CMC2: variants seen among roughly 807,000 people sequenced by gnomAD.
CMC2 encodes COX assembly mitochondrial protein 2 homolog.
A neutral mutation model predicts 7.5 loss-of-function variants in CMC2; 5 were observed. That is an observed-to-expected ratio of 0.66 (90% CI 0.35 to 1.40). CMC2 has a LOEUF of 1.40. Ranked by LOEUF, CMC2 falls within the 40% of genes most tolerant of loss-of-function variation. The pLI, the probability that CMC2 is intolerant of heterozygous loss-of-function variation, is 0.04. For synonymous variants in CMC2, 37 were observed against 31.4 expected, an observed-to-expected ratio of 1.18 and a Z score of -0.60; for missense variants, 115 against 92.3, an observed-to-expected ratio of 1.25 and a Z score of -1.01.
intron 2 of CMC2, among the ~76,000 whole-genome samples, chr16:80,988,816 T>C (rs371661756): frequency 6.3e-5 from 9 of 142,540 alleles, no homozygotes; most frequent in South Asian, 2.3e-4. Flanking sequence ...CTTTTTTTTT[T>C]CCAACTCTAA....
chr16:80,998,514 T>C (rs1968606968), intron 1 of CMC2: 1 of 152,194 alleles, frequency 6.6e-6, no homozygotes, highest in Admixed American at 6.5e-5. Context: ...GATCCAACAA[T>C]TCCACTTCCG....
In CMC2 at chr16:80,988,183, C is replaced by A. The variant is rs1016805570; in HGVS notation, c.82-6306G>T. ...TGGGTGACAGAGTGAGACATCCTCC[C>A]GATAAACTTTTAATTAACTTTTCCC... On this transcript the variant is annotated intron_variant, in intron 2 of 3. Transcript: ENST00000219400. 3.3e-5 allele frequency among the ~76,000 whole-genome samples: 5 copies of A among 152,160 alleles called. No individual in the cohort carries two copies. In the East Asian group the frequency reaches 9.6e-4, roughly 29 times the overall value.
chr16:80,978,288 G>C, intron 3 of CMC2: 3 of 1,177,264 alleles, frequency 2.5e-6, no homozygotes, highest in East Asian at 6.8e-5. Context: ...GGTTGAGAAG[G>C]GTCTTAAGGG....
chr16:80,967,829 G>A lies in CMC2; in HGVS notation c.*8264C>T, dbSNP rs1670205417. 1 of 152,158 alleles carries A rather than the reference G, an allele frequency of 6.6e-6. No individual in the cohort carries two copies. The highest frequency in any genetic ancestry group is 2.4e-5 in the African/African-American group (1 of 41,422). The allele number at this position is 152,158 out of a possible 1,614,324, so 9.4% of individuals were successfully genotyped here. A position where few individuals can be genotyped will look rare whatever the true frequency, so the allele number is the denominator to read the frequency against. ...TCTACTCGCCAGAGTTGAGGAAAAA[G>A]TAAATGCCCTGAGAATTTCGTAACA... On this transcript the variant is annotated 3_prime_UTR_variant, in exon 4 of 4. Transcript: ENST00000219400.
intron 3 of CMC2, among the ~76,000 whole-genome samples, chr16:80,978,751 T>G (rs1415741587): frequency 6.8e-6 from 1 of 147,728 alleles, no homozygotes; most frequent in African/African-American, 2.5e-5. Flanking sequence ...CACAGCGGAG[T>G]CCCAACAAGA....
At chr16:80,991,595 G>T (rs1967996918) in intron 2 of CMC2, among the ~76,000 whole-genome samples, 2 of 151,292 alleles carry the variant, frequency 1.3e-5, no homozygotes, top group South Asian at 4.2e-4. Flanking sequence ...AAGCCAAAAT[G>T]ACACTACTGC....
intron 2 of CMC2, among the ~76,000 whole-genome samples, chr16:80,985,937 A>AG (rs1967495089): frequency 6.7e-6 from 1 of 148,974 alleles, no homozygotes; most frequent in African/African-American, 2.5e-5. Flanking sequence ...ATGAAGGGGA[A>AG]GGAGCTGTGG....
chr16:80,985,531 ATT>A (rs1468553321), intron 2 of CMC2, among the ~76,000 whole-genome samples: 1 of 152,126 alleles, frequency 6.6e-6, no homozygotes, highest in African/African-American at 2.4e-5. Flanking sequence ...TTTTAAAATA[ATT>A]TTTTCTTCAT....
At chr16:80,984,548 T>TTAA (rs1967377561) in intron 2 of CMC2, among the ~76,000 whole-genome samples, 1 of 152,238 alleles carries the variant, frequency 6.6e-6, no homozygotes. Flanking sequence ...AATAAATTTT[T>TTAA]TAATTAAAAA....
chr16:80,999,096 C>G (rs2151649015), intron 1 of CMC2: 1 of 152,236 alleles, frequency 6.6e-6, no homozygotes, highest in Middle Eastern at 3.4e-3. Flanking sequence ...CTAGCCAAAG[C>G]AATCAGTCAA....
intron 2 of CMC2, among the ~76,000 whole-genome samples, chr16:80,993,329 T>G (rs891271778): frequency 2.6e-5 from 4 of 152,114 alleles, no homozygotes; most frequent in African/African-American, 7.2e-5. Flanking sequence ...TTCCAAACCA[T>G]GTAGCAGAGA....
intron 3 of CMC2, among the ~76,000 whole-genome samples, chr16:80,978,903 AG>A (rs1966881081): frequency 6.6e-6 from 1 of 152,008 alleles, no homozygotes; most frequent in Admixed American, 6.5e-5. Flanking sequence ...AACACGGTGA[AG>A]CCCCGTCTCT....
chr16:80,997,676 G>C (rs1432172334), intron 1 of CMC2: 1 of 256,876 alleles, frequency 3.9e-6, no homozygotes. Flanking sequence ...AGCCTCAAGA[G>C]ACCCAATCCC....
At position 80,974,022 on chromosome 16, in the gene CMC2, G is replaced by A. The variant is rs111261126; in HGVS notation, c.*2071C>T. ...CATCTCCCAATTTTGTTCTAATCCA[G>A]GTGACTCTAACAAGCTGCAGACCTA... On this transcript the variant is annotated 3_prime_UTR_variant, in exon 4 of 4. Transcript: ENST00000219400. The A allele has an allele frequency of 6.6e-6, 1 of 152,140 alleles. No homozygotes were observed. Among genetic ancestry groups the A allele is most frequent in the African/African-American group, 2.4e-5 (1 of 41,376 alleles). 9.4% of individuals were successfully genotyped at this position (152,140 alleles called of 1,614,324 possible). A position where few individuals can be genotyped will look rare whatever the true frequency, so the allele number is the denominator to read the frequency against.
chr16:80,996,953 G>A (rs954832984), intron 2 of CMC2: 8 of 436,308 alleles, frequency 1.8e-5, no homozygotes, highest in Non-Finnish European at 3.6e-5. Flanking sequence ...CCATCAAAGA[G>A]CAGATACTTT....
chr16:81,002,557 C>T lies in CMC2; in HGVS notation c.-36+4177G>A, dbSNP rs116162741. Among the ~76,000 whole-genome samples, 199 of 152,280 alleles carry T rather than the reference C, an allele frequency of 1.3e-3. 1 individual carries two copies. The highest frequency in any genetic ancestry group is 4.4e-3 in the African/African-American group (183 of 41,558). Reference sequence around the variant, plus strand: ...CACTCAAATGTGTGCCTTTACAATTCAGAAACAAGCTTATGATGTACTGAA... The same window carrying T: ...CACTCAAATGTGTGCCTTTACAATTTAGAAACAAGCTTATGATGTACTGAA... On this transcript the variant is annotated intron_variant, in intron 1 of 3. Transcript: ENST00000219400.
intron 2 of CMC2, among the ~76,000 whole-genome samples, chr16:80,994,349 C>G (rs1301651378): frequency 2.0e-5 from 3 of 149,546 alleles, no homozygotes; most frequent in African/African-American, 7.4e-5. Flanking sequence ...ATCCTTAAGA[C>G]ACAAAAAGCA....
At chr16:80,997,148 G>GT (rs1247777829) in intron 2 of CMC2, 166 bp downstream of exon 2, 3 of 606,968 alleles carry the variant, frequency 4.9e-6, no homozygotes, top group South Asian at 2.0e-5. Context: ...GGTAGTTTGT[G>GT]TAAAAAAAAG....
intron 3 of CMC2, among the ~76,000 whole-genome samples, chr16:80,978,954 A>G (rs960537924): frequency 1.3e-5 from 2 of 152,008 alleles, no homozygotes; most frequent in Non-Finnish European, 1.5e-5. Flanking sequence ...GGTGGTGGGC[A>G]CCTGTAGTCC....
Sources: gnomAD v4.1 joint callset for allele counts (sites outside exome capture counted in the v4.1 genomes callset) on GRCh38, gnomAD v4.1.1 for gene constraint, MANE v1.5 for transcripts, NCBI Gene and HGNC (gene_info 2026-07-23, HGNC 2026-07-21) for gene names.